SLC4A8: variants seen among roughly 807,000 people sequenced by gnomAD.
SLC4A8 encodes the protein electroneutral sodium bicarbonate exchanger 1.
Under a neutral mutation model 125.0 loss-of-function variants are expected in SLC4A8, and 40 were observed. The observed-to-expected ratio is 0.32, with a 90% CI of 0.25 to 0.42. SLC4A8 has a LOEUF of 0.42. Ranked by LOEUF, SLC4A8 falls within the 10% of genes least tolerant of loss-of-function variation. The pLI, the probability that SLC4A8 is intolerant of heterozygous loss-of-function variation, is 1.00. For missense variants in SLC4A8, 863 were observed against 1,355.1 expected, an observed-to-expected ratio of 0.64 and a Z score of 5.70; for synonymous variants, 456 against 476.0, an observed-to-expected ratio of 0.96 and a Z score of 0.55.
At chr12:51,392,222 G>A (rs910113057) in intron 1 of SLC4A8, 1 of 152,308 alleles carries the variant, frequency 6.6e-6, no homozygotes, top group Admixed American at 6.5e-5. Flanking sequence ...ACAGCAGAGG[G>A]TGTTTCTCAA....
At chr12:51,450,679 A>G in intron 2 of SLC4A8, 197 bp from the exon 3 acceptor site, 1 of 589,898 alleles carries the variant, frequency 1.7e-6, no homozygotes, top group Non-Finnish European at 3.0e-6. Flanking sequence ...AGGCATGTGC[A>G]GGACAAAGGA....
Position 51,467,638 on chromosome 12 carries a change from T to G in SLC4A8, c.1350-1976T>G, listed in dbSNP as rs12316212. On this transcript the variant is annotated intron_variant, in intron 11 of 24. Coordinates refer to ENST00000453097, the MANE Select transcript of SLC4A8 (RefSeq NM_001039960.3). The stretch of plus-strand genomic sequence containing the variant: ...CTTCCGTGAGAGAGTAGCTTGTGTG[T>G]TTTTTAAAAATAGCTTTTTATTATA... Among the ~76,000 whole-genome samples the G allele has an allele frequency of 8.8e-3, 1,346 of 152,266 alleles. 24 individuals are homozygous for G. Among genetic ancestry groups the G allele is most frequent in the African/African-American group, 0.031 (1,282 of 41,546 alleles).
At position 51,495,036 on chromosome 12, in the gene SLC4A8, T is replaced by G; in HGVS notation, c.2861T>G (p.Leu954Arg). 6.2e-7 allele frequency: 1 copy of G among 1,614,218 alleles called. No homozygotes were observed. Among genetic ancestry groups the G allele is most frequent in the Non-Finnish European group, 8.5e-7 (1 of 1,180,004 alleles). ...LRHVPLRKVH[L>R]FTLIQLTCLV... Reference sequence around the variant, plus strand: ...CATGTGCCGCTGCGCAAAGTGCACCTCTTCACCCTCATCCAGTTGACCTGT... The same window carrying G: ...CATGTGCCGCTGCGCAAAGTGCACCGCTTCACCCTCATCCAGTTGACCTGT... The change falls in exon 21 of 25, where the codon CTC becomes CGC. Residue 954 changes from leucine (L) to arginine (R), a missense_variant. By Grantham distance (102) the Leu-to-Arg change is moderately radical. Around this residue, in one of 6 missense-constraint regions of SLC4A8, gnomAD observed 197 missense variants for 377.7 expected, o/e 0.52. Coordinates refer to ENST00000453097, the MANE Select transcript of SLC4A8 (RefSeq NM_001039960.3).
rs188522404 is a variant in SLC4A8 at position 51,504,220 on chromosome 12, A to G, written c.3173+100A>G. The G allele has an allele frequency of 1.0e-3, 736 of 734,078 alleles. 2 individuals are homozygous for G. Among genetic ancestry groups the G allele is most frequent in the Non-Finnish European group, 1.5e-3 (637 of 419,778 alleles). 45.5% of individuals were successfully genotyped at this position (734,078 alleles called of 1,614,324 possible). The stretch of plus-strand genomic sequence containing the variant: ...GTCACAAGTGCAGCTGCTGGCATAA[A>G]GAGCTAAATATTCAGCCTCCCAGTT... On this transcript the variant is annotated intron_variant, in intron 23 of 24. Coordinates refer to ENST00000453097, the MANE Select transcript of SLC4A8 (RefSeq NM_001039960.3).
chr12:51,423,835 A>T (rs1037598198), upstream of SLC4A8, among the ~76,000 whole-genome samples: 3 of 152,008 alleles, frequency 2.0e-5, no homozygotes, highest in Non-Finnish European at 4.4e-5. Context: ...GGAGTTCCAG[A>T]CCAGCCTGGC....
At chr12:51,460,135 T>G in intron 8 of SLC4A8, 27 bp downstream of exon 8, 9 of 1,595,772 alleles carry the variant, frequency 5.6e-6, no homozygotes, top group Non-Finnish European at 7.7e-6. Context: ...AACTCATGCA[T>G]TCTATCCAAA....
Position 51,509,293 on chromosome 12 carries a change from A to T in SLC4A8, c.*1855A>T, listed in dbSNP as rs1432345331. 6.6e-6 allele frequency: 1 copy of T among 152,372 alleles called. No homozygotes were observed. The highest frequency in any genetic ancestry group is 1.5e-5 in the Non-Finnish European group (1 of 68,050). The allele number at this position is 152,372 out of a possible 1,614,324, so 9.4% of individuals were successfully genotyped here. A position where few individuals can be genotyped will look rare whatever the true frequency, so the allele number is the denominator to read the frequency against. ...ATATATGGTGCAGACAGGATAGGTC[A>T]TGCTTCTTGGAACCTATATGGGCAT... On this transcript the variant is annotated 3_prime_UTR_variant, in exon 25 of 25. Coordinates refer to ENST00000453097, the MANE Select transcript of SLC4A8 (RefSeq NM_001039960.3).
chr12:51,395,127 G>T (rs1948234565), intron 1 of SLC4A8, among the ~76,000 whole-genome samples: 2 of 152,172 alleles, frequency 1.3e-5, no homozygotes, highest in South Asian at 4.1e-4. Flanking sequence ...TATGCACATG[G>T]TAATAAGTCA....
At chr12:51,504,518 T>C (rs1938080218) in intron 23 of SLC4A8, among the ~76,000 whole-genome samples, 1 of 152,248 alleles carries the variant, frequency 6.6e-6, no homozygotes, top group African/African-American at 2.4e-5. Context: ...TGTTGCTGAA[T>C]AGAAAGATTA....
chr12:51,429,895 C>G (rs984371073), intron 1 of SLC4A8, among the ~76,000 whole-genome samples: 3 of 151,778 alleles, frequency 2.0e-5, no homozygotes, highest in African/African-American at 7.3e-5. Context: ...AAAGCCCCTA[C>G]TTTGGATTGG....
chr12:51,424,538 C>G (rs1191692515), upstream of SLC4A8: 8 of 160,052 alleles, frequency 5.0e-5, no homozygotes, highest in African/African-American at 1.7e-4. Context: ...CATCATCTCC[C>G]AAGGAATGAA....
chr12:51,430,197 C>A (rs993120968), intron 1 of SLC4A8, among the ~76,000 whole-genome samples: 4 of 152,012 alleles, frequency 2.6e-5, no homozygotes, highest in Non-Finnish European at 5.9e-5. Context: ...AGAAACATGG[C>A]TGATAGGAGT....
intron 1 of SLC4A8, among the ~76,000 whole-genome samples, chr12:51,410,821 A>G (rs936044886): frequency 1.2e-4 from 18 of 148,644 alleles, no homozygotes; most frequent in Admixed American, 3.3e-4. Context: ...CCCACACTCC[A>G]TGGTTTGGAT....
At chr12:51,408,516 C>T (rs1021296432) in intron 1 of SLC4A8, among the ~76,000 whole-genome samples, 5 of 152,104 alleles carry the variant, frequency 3.3e-5, no homozygotes, top group Admixed American at 6.5e-5. Flanking sequence ...GGATTACAGA[C>T]GTGAGACACT....
chr12:51,483,008 A>G (rs1257877769), intron 16 of SLC4A8, among the ~76,000 whole-genome samples: 1 of 152,172 alleles, frequency 6.6e-6, no homozygotes, highest in Non-Finnish European at 1.5e-5. Flanking sequence ...CACATGAGGG[A>G]GCCAAGCATA....
chr12:51,464,751 C>G lies in SLC4A8; in HGVS notation c.1349+1037C>G, dbSNP rs955899357. On this transcript the variant is annotated intron_variant, in intron 11 of 24. Transcript: ENST00000453097. ...TCCTTGCTTGAGGTTGCTTTCCTTACTCTTCTATCCTCAGCACTCTACCCA... is the reference window on the plus strand; with the variant it reads ...TCCTTGCTTGAGGTTGCTTTCCTTAGTCTTCTATCCTCAGCACTCTACCCA... 4.6e-5 allele frequency among the ~76,000 whole-genome samples: 7 copies of G among 152,326 alleles called. No individual in the cohort carries two copies. In the Middle Eastern group the frequency reaches 0.014, roughly 296 times the overall value.
intron 19 of SLC4A8, among the ~76,000 whole-genome samples, chr12:51,491,737 G>GCA (rs371323026): frequency 0.19 from 23,810 of 126,712 alleles, 1,975 homozygotes; most frequent in East Asian, 0.34. Context: ...CTGGGGATGG[G>GCA]CAGACACACA....
At chr12:51,421,782 T>C (rs1200028298), upstream of SLC4A8, among the ~76,000 whole-genome samples, 4 of 152,300 alleles carry the variant, frequency 2.6e-5, no homozygotes, top group Admixed American at 6.5e-5. Flanking sequence ...ACAATTTTTA[T>C]AGGCCAATAC....
intron 2 of SLC4A8, among the ~76,000 whole-genome samples, chr12:51,450,381 G>A (rs763145566): frequency 3.9e-5 from 6 of 152,164 alleles, no homozygotes; most frequent in Non-Finnish European, 8.8e-5. Context: ...ATGAGTCACA[G>A]AGAGATTAGA....
Sources: gnomAD v4.1 joint callset for allele counts (sites outside exome capture counted in the v4.1 genomes callset) on GRCh38, gnomAD v4.1.1 for gene constraint, gnomAD v4.1.1 regional missense constraint, MANE v1.5 for transcripts, NCBI Gene and HGNC (gene_info 2026-07-23, HGNC 2026-07-21) for gene names.